STARD9: variants seen among roughly 807,000 people sequenced by gnomAD.
STARD9 encodes StAR related lipid transfer domain containing 9.
A neutral mutation model predicts 399.8 loss-of-function variants in STARD9; 346 were observed. The ratio of observed to expected loss-of-function variants is 0.87; its 90% confidence interval spans 0.79 to 0.95. The LOEUF (loss-of-function observed/expected upper bound fraction) is 0.95. STARD9 is among the 40% of genes least tolerant of loss of function. STARD9 has a pLI of 0.00. For synonymous variants in STARD9, 2,203 were observed against 2,143.5 expected (o/e 1.03, Z -0.77); for missense variants, 5,832 against 5,667.5 (o/e 1.03, Z -0.93).
intron 22 of STARD9, among the ~76,000 whole-genome samples, chr15:42,683,724 A>G (rs969958091): frequency 2.6e-5 from 4 of 151,980 alleles, no homozygotes; most frequent in Non-Finnish European, 4.4e-5. Context: ...TTCTTGTTTT[A>G]TTTGTAATCA....
chr15:42,695,961 A>G (rs2060838311), intron 26 of STARD9, 81 bp downstream of exon 26: 1 of 1,432,434 alleles, frequency 7.0e-7, no homozygotes, highest in Non-Finnish European at 9.2e-7. Flanking sequence ...TGCCTCCTGG[A>G]GTTTGGGCAA....
chr15:42,581,051 G>C (rs1274455185), intron 1 of STARD9: 8 of 540,520 alleles, frequency 1.5e-5, no homozygotes, highest in Non-Finnish European at 2.4e-5. Context: ...TCTTTTCACT[G>C]TTGATCCTAT....
chr15:42,663,755 G>A (rs2060034743), intron 12 of STARD9, 65 bp from the exon 13 acceptor site: 3 of 1,216,760 alleles, frequency 2.5e-6, no homozygotes, highest in South Asian at 1.3e-5. Context: ...GTAGTAACAA[G>A]GCAAGTGATT....
chr15:42,671,666 G>GTT (rs1428188276), intron 16 of STARD9: 1 of 150,918 alleles, frequency 6.6e-6, no homozygotes, highest in Non-Finnish European at 1.5e-5. Context: ...GCATGTCTGG[G>GTT]CATGTAATAA....
intron 7 of STARD9, among the ~76,000 whole-genome samples, chr15:42,648,272 C>T (rs1013023158): frequency 6.6e-6 from 1 of 152,170 alleles, no homozygotes; most frequent in Non-Finnish European, 1.5e-5. Flanking sequence ...GAGCAATTCT[C>T]CTGCCTCAGC....
chr15:42,603,732 T>C (rs1386970224), intron 3 of STARD9, among the ~76,000 whole-genome samples: 1 of 152,070 alleles, frequency 6.6e-6, no homozygotes, highest in East Asian at 1.9e-4. Flanking sequence ...GGTCAAAGCT[T>C]GTCTTCTTGT....
At position 42,682,574 on chromosome 15, in the gene STARD9, A is replaced by T; in HGVS notation, c.2536A>T (p.Ser846Cys). 1.3e-6 allele frequency: 2 copies of T among 1,530,342 alleles called. No individual in the cohort carries two copies. The highest frequency in any genetic ancestry group is 2.4e-5 in the South Asian group (2 of 83,488). The allele number at this position is 1,530,342 out of a possible 1,614,324, so 94.8% of individuals were successfully genotyped here. A position where few individuals can be genotyped will look rare whatever the true frequency, so the allele number is the denominator to read the frequency against. The change falls in exon 22 of 33, where the codon AGC becomes TGC. Residue 846 changes from serine to cysteine, a missense_variant and splice_region_variant. Around this residue, in one of 2 missense-constraint regions of STARD9, gnomAD observed 5,828 missense variants for 5,651.1 expected, o/e 1.03. Transcript: ENST00000290607. ...CAGCAAGCACATGCCCCAGCTACAC[A>T]GGTACAGCCAGTAGTTGTCACTGGG... ...LCSKHMPQLH[S>C]IFLSWDPSTT... is the part of the protein sequence containing the mutation.
chr15:42,711,382 C>G (rs1456273638), intron 26 of STARD9, among the ~76,000 whole-genome samples: 1 of 152,200 alleles, frequency 6.6e-6, no homozygotes, highest in African/African-American at 2.4e-5. Context: ...CTCAGGTGAT[C>G]CACTCGCTTC....
intron 21 of STARD9, 73 bp from the exon 22 acceptor site, chr15:42,682,031 G>T: frequency 1.0e-6 from 1 of 1,001,824 alleles, no homozygotes; most frequent in Non-Finnish European, 1.5e-6. Context: ...CATGGCTGGA[G>T]GTATCTGAGT....
At chr15:42,650,105 C>T (rs536053301) in intron 7 of STARD9, among the ~76,000 whole-genome samples, 13 of 152,058 alleles carry the variant, frequency 8.5e-5, no homozygotes, top group African/African-American at 2.7e-4. Context: ...ACCTCAGGCC[C>T]GCCCGCCTCG....
chr15:42,718,696 T>C lies in STARD9; in HGVS notation c.13843-56T>C, dbSNP rs915256022. ...TCACCATACTGTCTACACGGGAGCC[T>C]GTTCCTGTTTTGTCCACACTACACA... On this transcript the variant is annotated intron_variant, in intron 31 of 32. Coordinates refer to ENST00000290607, the MANE Select transcript of STARD9 (RefSeq NM_020759.3). 4 of 1,517,016 alleles carry C rather than the reference T, an allele frequency of 2.6e-6. No individual in the cohort carries two copies. In the African/African-American group the frequency reaches 5.5e-5, roughly 21 times the overall value. The allele number at this position is 1,517,016 out of a possible 1,614,324, so 94.0% of individuals were successfully genotyped here.
chr15:42,687,726 C>A lies in STARD9; in HGVS notation c.6148C>A (p.Leu2050Ile). The change falls in exon 23 of 33, where the codon CTA (leucine) becomes ATA (isoleucine). Residue 2050 changes from leucine to isoleucine, a missense_variant. Coordinates refer to ENST00000290607, the MANE Select transcript of STARD9 (RefSeq NM_020759.3). ...RVNNTDEMAR[L>I]IRSVMQLENG... ...TAATAATACTGATGAAATGGCTAGG[C>A]TAATTAGGAGTGTAATGCAGCTGGA... is the stretch of plus-strand genomic sequence containing the variant. The A allele has an allele frequency of 6.5e-7, 1 of 1,537,400 alleles. No individual in the cohort carries two copies.
intron 21 of STARD9, 137 bp from the exon 22 acceptor site, chr15:42,681,967 C>T (rs992567316): frequency 4.9e-5 from 32 of 651,180 alleles, no homozygotes; most frequent in Non-Finnish European, 7.6e-5. Flanking sequence ...AGCCCTGCAG[C>T]CCTCACCCTG....
At chr15:42,633,625 T>C (rs1191937439) in intron 3 of STARD9, among the ~76,000 whole-genome samples, 6 of 151,686 alleles carry the variant, frequency 4.0e-5, no homozygotes, top group African/African-American at 1.5e-4. Flanking sequence ...CATCTAGTTG[T>C]CCGGCCCCGT....
intron 3 of STARD9, among the ~76,000 whole-genome samples, chr15:42,619,337 T>C (rs1736356253): frequency 6.6e-6 from 1 of 152,088 alleles, no homozygotes; most frequent in Non-Finnish European, 1.5e-5. Flanking sequence ...ATAGACTTAA[T>C]GTAGTATGTA....
rs562234309 is a variant in STARD9, at chr15:42,625,426, G to T, written c.235-9430G>T. On this transcript the variant is annotated intron_variant, in intron 3 of 32. Transcript: ENST00000290607. ...GCTCACTGCAACCTCTGCCTCCCGGGCTCAAGCAGTTCTCTTGTCTCAGCC... is the reference window on the plus strand; with the variant it reads ...GCTCACTGCAACCTCTGCCTCCCGGTCTCAAGCAGTTCTCTTGTCTCAGCC... Among the ~76,000 whole-genome samples the T allele has an allele frequency of 2.6e-5, 4 of 151,682 alleles. No homozygotes were observed. In the South Asian group the frequency reaches 8.3e-4, roughly 32 times the overall value.
chr15:42,581,622 G>T, intron 1 of STARD9: 1 of 647,620 alleles, frequency 1.5e-6, no homozygotes, highest in Admixed American at 2.7e-5. Context: ...TCCCTCGTCT[G>T]GCTCCGCCCC....
intron 1 of STARD9, among the ~76,000 whole-genome samples, chr15:42,580,848 G>C (rs922578426): frequency 4.6e-5 from 7 of 152,220 alleles, no homozygotes; most frequent in East Asian, 1.9e-4. Flanking sequence ...GAGTTTAACT[G>C]TTTTCCTCTA....
chr15:42,644,396 G>GGC (rs2059605163), intron 7 of STARD9, among the ~76,000 whole-genome samples: 1 of 152,046 alleles, frequency 6.6e-6, no homozygotes, highest in African/African-American at 2.4e-5. Flanking sequence ...GGGAGGCTGA[G>GGC]GCAGGAGAAT....
Sources: gnomAD v4.1 joint callset for allele counts (sites outside exome capture counted in the v4.1 genomes callset) on GRCh38, gnomAD v4.1.1 for gene constraint, gnomAD v4.1.1 regional missense constraint, MANE v1.5 for transcripts, NCBI Gene and HGNC (gene_info 2026-07-23, HGNC 2026-07-21) for gene names.